PCDHA5: variants seen among roughly 807,000 people sequenced by gnomAD.
PCDHA5 encodes the protein protocadherin alpha 5.
In PCDHA5, 43 loss-of-function variants were observed where a neutral mutation model predicts 61.6. The ratio of observed to expected loss-of-function variants is 0.70; its 90% CI spans 0.55 to 0.90. PCDHA5 has a LOEUF of 0.90. PCDHA5 is among the 40% of genes least tolerant of loss of function. The pLI, the probability that PCDHA5 is intolerant of heterozygous loss-of-function variation, is 0.00. For missense variants in PCDHA5, 1,298 were observed against 1,222.7 expected, an observed-to-expected ratio of 1.06 and a Z score of -0.92; for synonymous variants, 627 against 543.9, an observed-to-expected ratio of 1.15 and a Z score of -2.13.
intron 1 of PCDHA5, among the ~76,000 whole-genome samples, chr5:140,973,960 T>C (rs2096609185): frequency 6.6e-6 from 1 of 152,248 alleles, no homozygotes; most frequent in African/African-American, 2.4e-5. Flanking sequence ...TTTACAGGTG[T>C]CTTTAAATGT....
intron 3 of PCDHA5, among the ~76,000 whole-genome samples, chr5:140,984,358 A>G (rs1443365008): frequency 1.3e-5 from 2 of 152,234 alleles, no homozygotes; most frequent in Admixed American, 1.3e-4. Flanking sequence ...TATTTCATAC[A>G]TCTGGCCAAG....
chr5:140,875,378 T>G, intron 1 of PCDHA5: 1 of 1,458,602 alleles, frequency 6.9e-7, no homozygotes, highest in Non-Finnish European at 9.0e-7. Context: ...TTACTAAATA[T>G]GTACTTACAG....
chr5:140,850,941 T>A lies in PCDHA5; in HGVS notation c.2352+26814T>A. The A allele has an allele frequency of 2.0e-6, 3 of 1,505,592 alleles. 1 individual carries two copies. 93.3% of individuals were successfully genotyped at this position (1,505,592 alleles called of 1,614,324 possible). On this transcript the variant is annotated intron_variant, in intron 1 of 3. Coordinates refer to ENST00000529859, the MANE Select transcript of PCDHA5 (RefSeq NM_018908.3). ...TTATATAATTTTTTTTCTTGAAAGATATTATCGATTACTCCCAGGGGCCGT... is the reference window on the plus strand; with the variant it reads ...TTATATAATTTTTTTTCTTGAAAGAAATTATCGATTACTCCCAGGGGCCGT...
At chr5:140,876,793 G>A (rs782321220) in intron 1 of PCDHA5, 2 of 1,614,240 alleles carry the variant, frequency 1.2e-6, no homozygotes, top group Non-Finnish European at 1.7e-6. Context: ...CACGGCTAGA[G>A]TGTCCGTGGA....
intron 1 of PCDHA5, chr5:140,929,268 AAT>A (rs782372972): frequency 7.4e-6 from 12 of 1,611,594 alleles, no homozygotes; most frequent in Non-Finnish European, 1.0e-5. Flanking sequence ...TGAATTTGCC[AAT>A]ATCCTGTATT....
rs373157192 is a variant in PCDHA5, at chr5:140,869,487, C to G, written c.2352+45360C>G. On this transcript the variant is annotated intron_variant, in intron 1 of 3. Transcript: ENST00000529859. ...ACGTGGAGGTGAAGGACATTAACGA[C>G]AACCCGCCGGTGTTCTCGCTCAGAG... The G allele has an allele frequency of 3.1e-6, 5 of 1,614,180 alleles. No homozygotes were observed. The South Asian group carries it at 5.5e-5, about 18-fold the overall frequency.
chr5:140,987,433 T>C (rs2097253895), intron 3 of PCDHA5, among the ~76,000 whole-genome samples: 1 of 152,108 alleles, frequency 6.6e-6, no homozygotes. Flanking sequence ...CAGGGGGCCT[T>C]TCCCCATGCC....
At chr5:140,902,199 CTT>C (rs1290062929) in intron 1 of PCDHA5, among the ~76,000 whole-genome samples, 2 of 139,232 alleles carry the variant, frequency 1.4e-5, no homozygotes, top group Admixed American at 7.2e-5. Flanking sequence ...CTCTCTCTCT[CTT>C]TCTTTTTTTT....
chr5:140,869,972 A>T (rs782424515), intron 1 of PCDHA5: 14 of 1,613,080 alleles, frequency 8.7e-6, no homozygotes. Context: ...AATGGAAGAC[A>T]CTTATTTACA....
intron 1 of PCDHA5, among the ~76,000 whole-genome samples, chr5:140,945,439 A>G (rs1291434553): frequency 6.6e-6 from 1 of 152,188 alleles, no homozygotes; most frequent in Non-Finnish European, 1.5e-5. Flanking sequence ...TTACAGAAAT[A>G]TAAAAAACTT....
intron 1 of PCDHA5, chr5:140,863,128 C>G (rs555226712): frequency 3.3e-6 from 2 of 598,142 alleles, no homozygotes; most frequent in East Asian, 8.9e-5. Context: ...TACGCGCCAC[C>G]GCCTGCTGGT....
chr5:140,929,532 G>T, intron 1 of PCDHA5: 1 of 602,214 alleles, frequency 1.7e-6, no homozygotes, highest in Non-Finnish European at 2.5e-6. Flanking sequence ...TTATTTTTGA[G>T]AAACAAGGGC....
In PCDHA5 at chr5:140,914,736, T is replaced by C. The variant is rs76155363; in HGVS notation, c.2353-64213T>C. Among the ~76,000 whole-genome samples, 1,216 of 152,300 alleles carry C rather than the reference T, an allele frequency of 8.0e-3. 6 individuals are homozygous for C. Among genetic ancestry groups the C allele is most frequent in the African/African-American group, 0.019 (785 of 41,570 alleles). On this transcript the variant is annotated intron_variant, in intron 1 of 3. Transcript: ENST00000529859. ...TTTTTTATTTTTTGTGTATCCATTG[T>C]ATGTTTTTCCATTTGAGGTTACATG...
intron 1 of PCDHA5, among the ~76,000 whole-genome samples, chr5:140,871,899 A>G (rs1160830243): frequency 2.6e-5 from 4 of 152,208 alleles, no homozygotes; most frequent in Admixed American, 2.0e-4. Context: ...CTTTTAGCAG[A>G]GTTTTGCCTT....
At chr5:140,917,690 G>C (rs2078307385) in intron 1 of PCDHA5, among the ~76,000 whole-genome samples, 1 of 152,108 alleles carries the variant, frequency 6.6e-6, no homozygotes, top group African/African-American at 2.4e-5. Context: ...TTTTGTTGAA[G>C]ATCAGATAAT....
chr5:140,944,909 C>A (rs1320536064), intron 1 of PCDHA5, among the ~76,000 whole-genome samples: 1 of 152,136 alleles, frequency 6.6e-6, no homozygotes, highest in African/African-American at 2.4e-5. Flanking sequence ...CCACAAACTT[C>A]TCTTTATATT....
At chr5:140,976,491 C>T (rs1478947639) in intron 1 of PCDHA5, among the ~76,000 whole-genome samples, 2 of 152,172 alleles carry the variant, frequency 1.3e-5, no homozygotes, top group East Asian at 1.9e-4. Context: ...GCAGAGGTTG[C>T]AGGGAGCCAA....
intron 1 of PCDHA5, among the ~76,000 whole-genome samples, chr5:140,941,977 A>G (rs1247578104): frequency 6.6e-6 from 1 of 152,154 alleles, no homozygotes; most frequent in Admixed American, 6.5e-5. Context: ...CTTTCCCTAA[A>G]CCTTGATAAG....
At chr5:140,824,188 A>C in intron 1 of PCDHA5, 61 bp downstream of exon 1, 2 of 1,604,144 alleles carry the variant, frequency 1.2e-6, no homozygotes, top group Non-Finnish European at 8.5e-7. Flanking sequence ...TAAATGTCAC[A>C]TTCACCCACT....
Sources: gnomAD v4.1 joint callset for allele counts (sites outside exome capture counted in the v4.1 genomes callset) on GRCh38, gnomAD v4.1.1 for gene constraint, MANE v1.5 for transcripts, NCBI Gene and HGNC (gene_info 2026-07-23, HGNC 2026-07-21) for gene names.